The following RNF169 variants were observed in gnomAD, a reference collection of about 807,000 sequenced individuals.
RNF169 encodes the protein ring finger protein 169, also known as E3 ubiquitin-protein ligase RNF169.
In RNF169, 24 loss-of-function variants were observed where a neutral mutation model predicts 53.9. The observed-to-expected ratio is 0.45, with a 90% CI of 0.32 to 0.63. RNF169 has a LOEUF of 0.63. Among genes scored for constraint, RNF169 ranks in the 20% least tolerant of loss-of-function variants. RNF169 has a pLI of 0.04. For synonymous variants in RNF169, 396 were observed against 363.5 expected (o/e 1.09, Z -1.02); for missense variants, 883 against 906.2 (o/e 0.97, Z 0.33).
At chr11:74,768,095 T>C (rs2035202265) in intron 1 of RNF169, among the ~76,000 whole-genome samples, 1 of 152,220 alleles carries the variant, frequency 6.6e-6, no homozygotes, top group Admixed American at 6.5e-5. Flanking sequence ...TCAAGCTGTT[T>C]AAAGCCATGT....
At chr11:74,803,959 A>G (rs2035769237) in intron 2 of RNF169, among the ~76,000 whole-genome samples, 1 of 152,198 alleles carries the variant, frequency 6.6e-6, no homozygotes, top group Non-Finnish European at 1.5e-5. Context: ...ATCATATACT[A>G]TATACAGCAG....
In RNF169 at chr11:74,836,376, A is replaced by T. The variant is rs1338301940; in HGVS notation, c.1773A>T (p.Gln591His). 2 of 1,614,060 alleles carry T rather than the reference A, an allele frequency of 1.2e-6. No individual in the cohort carries two copies. Among genetic ancestry groups the T allele is most frequent in the Non-Finnish European group, 1.7e-6 (2 of 1,180,014 alleles). ...SVLGGVLKTK[Q>H]QLKTLNHFDL... ...TGGGTGGAGTCCTCAAAACAAAGCA[A>T]CAATTGAAGACATTAAATCATTTTG... The change falls in exon 6 of 6, where the codon CAA becomes CAT. Residue 591 changes from glutamine to histidine, a missense_variant. Transcript: ENST00000299563.
rs538515131 is a variant in RNF169, at chr11:74,822,741, A to G, written c.842+5027A>G. ...GTGTGGATTAAATGAGATACAATATATTTCAAACACTTAGCACAGTGCCTG... is the reference window on the plus strand; with the variant it reads ...GTGTGGATTAAATGAGATACAATATGTTTCAAACACTTAGCACAGTGCCTG... On this transcript the variant is annotated intron_variant, in intron 4 of 5. Transcript: ENST00000299563. Among the ~76,000 whole-genome samples the G allele has an allele frequency of 3.9e-5, 6 of 152,368 alleles. No individual in the cohort carries two copies. In the South Asian group the frequency reaches 1.2e-3, roughly 32 times the overall value.
chr11:74,799,082 A>G (rs1591413089), intron 2 of RNF169, among the ~76,000 whole-genome samples: 1 of 25,344 alleles, frequency 3.9e-5, no homozygotes. Context: ...AAAGATTTCC[A>G]GTGGTTTTTT....
intron 2 of RNF169, among the ~76,000 whole-genome samples, chr11:74,804,021 T>G (rs1207451420): frequency 6.6e-6 from 1 of 152,210 alleles, no homozygotes; most frequent in Non-Finnish European, 1.5e-5. Context: ...CATTATGACA[T>G]TGATGAGAGA....
At chr11:74,820,740 C>T (rs978634928) in intron 4 of RNF169, among the ~76,000 whole-genome samples, 8 of 152,070 alleles carry the variant, frequency 5.3e-5, no homozygotes, top group African/African-American at 1.7e-4. Context: ...TAAGGAGAAG[C>T]AATGTGGAGC....
At chr11:74,787,460 A>G (rs1437557305) in intron 1 of RNF169, among the ~76,000 whole-genome samples, 1 of 152,230 alleles carries the variant, frequency 6.6e-6, no homozygotes, top group Non-Finnish European at 1.5e-5. Context: ...TTCATCTGTT[A>G]GATTAGCAAA....
chr11:74,821,232 AC>A (rs1173990666), intron 4 of RNF169, among the ~76,000 whole-genome samples: 4 of 152,240 alleles, frequency 2.6e-5, no homozygotes, highest in African/African-American at 7.2e-5. Flanking sequence ...CCAAAAAGAT[AC>A]ATGGTTGCTA....
At chr11:74,761,664 T>C (rs1458391879) in intron 1 of RNF169, among the ~76,000 whole-genome samples, 2 of 152,210 alleles carry the variant, frequency 1.3e-5, no homozygotes, top group African/African-American at 4.8e-5. Context: ...GCTTGTAGGG[T>C]TTCTGCCGAG....
intron 2 of RNF169, among the ~76,000 whole-genome samples, chr11:74,803,069 C>T (rs2035756045): frequency 6.6e-6 from 1 of 151,304 alleles, no homozygotes; most frequent in Non-Finnish European, 1.5e-5. Flanking sequence ...TACAGGCGCC[C>T]ACCACCATGC....
intron 3 of RNF169, among the ~76,000 whole-genome samples, chr11:74,810,907 A>G (rs2035866162): frequency 6.6e-6 from 1 of 152,238 alleles, no homozygotes; most frequent in Admixed American, 6.5e-5. Flanking sequence ...TGGAGGATCC[A>G]CTAATTATAC....
chr11:74,836,317 A>G lies in RNF169; in HGVS notation c.1714A>G (p.Thr572Ala), dbSNP rs2036256668. ...TCISRAMKIT[T>A]VNSVLPQNSV... Reference sequence around the variant, plus strand: ...TATAAGCAGAGCCATGAAAATCACCACAGTTAATTCAGTGCTACCCCAAAA... The same window carrying G: ...TATAAGCAGAGCCATGAAAATCACCGCAGTTAATTCAGTGCTACCCCAAAA... The change falls in exon 6 of 6, where the codon ACA becomes GCA. Residue 572 changes from threonine to alanine, a missense_variant. Around this residue, in one of 3 missense-constraint regions of RNF169, gnomAD observed 351 missense variants for 337.3 expected, o/e 1.04. Transcript: ENST00000299563. 3.1e-6 allele frequency: 5 copies of G among 1,614,158 alleles called. No individual in the cohort carries two copies. Among genetic ancestry groups the G allele is most frequent in the Non-Finnish European group, 4.2e-6 (5 of 1,180,030 alleles).
intron 1 of RNF169, among the ~76,000 whole-genome samples, chr11:74,772,472 G>GTTTTTTTTTTTTTTTTTTTTTTTTTTTTT (rs35350939): frequency 7.8e-6 from 1 of 128,174 alleles, no homozygotes; most frequent in Non-Finnish European, 1.7e-5. Flanking sequence ...AGGGATGCTG[G>GTTTTTTTTTTTTTTTTTTTTTTTTTTTTT]TTTTTTTTTT....
chr11:74,759,028 C>T (rs575124838), intron 1 of RNF169, among the ~76,000 whole-genome samples: 1 of 150,348 alleles, frequency 6.7e-6, no homozygotes. Context: ...CCTTCACATC[C>T]CTTGTAAGTT....
chr11:74,831,613 G>A (rs1052195969), intron 4 of RNF169: 12 of 150,292 alleles, frequency 8.0e-5, no homozygotes, highest in Non-Finnish European at 1.5e-5. Context: ...AAATTCCAAT[G>A]ATCTTTTTTG....
At chr11:74,785,475 G>A (rs1476488092) in intron 1 of RNF169, among the ~76,000 whole-genome samples, 1 of 149,218 alleles carries the variant, frequency 6.7e-6, no homozygotes, top group Non-Finnish European at 1.5e-5. Flanking sequence ...TTCCTTCTTA[G>A]CATTTTTAGA....
chr11:74,765,752 A>G (rs1438413882), intron 1 of RNF169, among the ~76,000 whole-genome samples: 1 of 151,598 alleles, frequency 6.6e-6, no homozygotes, highest in African/African-American at 2.4e-5. Flanking sequence ...CAGTGAGCTG[A>G]GATTGCGCCA....
intron 2 of RNF169, among the ~76,000 whole-genome samples, chr11:74,808,882 T>C (rs1290808121): frequency 2.0e-5 from 3 of 152,246 alleles, no homozygotes; most frequent in Admixed American, 2.0e-4. Context: ...TGCTTTCCTT[T>C]CCTCCGTGTT....
chr11:74,755,272 C>G (rs1442720595), intron 1 of RNF169, among the ~76,000 whole-genome samples: 1 of 152,206 alleles, frequency 6.6e-6, no homozygotes, highest in Non-Finnish European at 1.5e-5. Context: ...ACAGTAATTA[C>G]TATTGAAGAA....
Sources: allele counts gnomAD v4.1 joint callset (sites outside exome capture counted in the v4.1 genomes callset), GRCh38; gene constraint gnomAD v4.1.1; regional missense constraint gnomAD v4.1.1; transcripts MANE v1.5; gene names NCBI Gene and HGNC (gene_info 2026-07-23, HGNC 2026-07-21).